Variants in ATF6 observed in about 807,000 individuals in gnomAD.
ATF6 encodes activating transcription factor 6.
Under a neutral mutation model 83.6 loss-of-function variants are expected in ATF6, and 53 were observed. The ratio of observed to expected loss-of-function variants is 0.63; its 90% CI spans 0.51 to 0.80. The LOEUF is 0.80. ATF6 is among the 30% of genes least tolerant of loss of function. The pLI is 0.00. For missense variants in ATF6, 744 were observed against 797.9 expected (o/e 0.93, Z 0.81); for synonymous variants, 288 against 285.8 (o/e 1.01, Z -0.08).
chr1:161,775,344 C>G (rs1209642465), intron 1 of ATF6, among the ~76,000 whole-genome samples: 1 of 152,072 alleles, frequency 6.6e-6, no homozygotes, highest in Non-Finnish European at 1.5e-5. Context: ...TCTTATTAAA[C>G]CTCTAACCAC....
At position 161,963,241 on chromosome 1, in the gene ATF6, G is replaced by C. The variant is rs1421599658; in HGVS notation, c.*4587G>C. ...CTAAGCTTTAAACAGTTTATTTTGGGTAAGACTAGAACTTTCGGCCATTTG... is the reference window on the plus strand; with the variant it reads ...CTAAGCTTTAAACAGTTTATTTTGGCTAAGACTAGAACTTTCGGCCATTTG... On this transcript the variant is annotated 3_prime_UTR_variant, in exon 16 of 16. Transcript: ENST00000367942. 6.6e-6 allele frequency: 1 copy of C among 152,130 alleles called. No homozygotes were observed. Among genetic ancestry groups the C allele is most frequent in the African/African-American group, 2.4e-5 (1 of 41,424 alleles). 9.4% of individuals were successfully genotyped at this position (152,130 alleles called of 1,614,324 possible).
intron 3 of ATF6, among the ~76,000 whole-genome samples, chr1:161,782,337 G>A (rs556093214): frequency 1.3e-5 from 2 of 152,334 alleles, no homozygotes; most frequent in African/African-American, 4.8e-5. Flanking sequence ...TGGGTTACCA[G>A]AACCTAGGAA....
chr1:161,805,707 A>G (rs1685261730), intron 7 of ATF6, among the ~76,000 whole-genome samples: 1 of 152,182 alleles, frequency 6.6e-6, no homozygotes, highest in South Asian at 2.1e-4. Context: ...AAATTAGGAT[A>G]AATTAATATA....
chr1:161,874,427 A>G (rs1210844354), intron 14 of ATF6, among the ~76,000 whole-genome samples: 3 of 151,714 alleles, frequency 2.0e-5, no homozygotes, highest in Non-Finnish European at 3.0e-5. Flanking sequence ...ATTTGGAGTC[A>G]TCTCTGTCTG....
intron 9 of ATF6, among the ~76,000 whole-genome samples, chr1:161,838,595 T>C (rs771217347): frequency 1.1e-4 from 16 of 152,192 alleles, no homozygotes; most frequent in Non-Finnish European, 1.9e-4. Flanking sequence ...TTTTTCTTCA[T>C]TTGGACCTCT....
intron 14 of ATF6, among the ~76,000 whole-genome samples, chr1:161,910,215 A>G (rs1273352735): frequency 6.6e-6 from 1 of 152,200 alleles, no homozygotes; most frequent in Admixed American, 6.5e-5. Flanking sequence ...TATTATATAG[A>G]CACTTATTTT....
chr1:161,931,725 A>C (rs1688438069), intron 15 of ATF6, among the ~76,000 whole-genome samples: 1 of 152,140 alleles, frequency 6.6e-6, no homozygotes, highest in African/African-American at 2.4e-5. Flanking sequence ...TTTATTGGAT[A>C]ATTTATCTTT....
chr1:161,923,914 T>G (rs922454669), intron 15 of ATF6, among the ~76,000 whole-genome samples: 4 of 152,352 alleles, frequency 2.6e-5, no homozygotes, highest in African/African-American at 9.6e-5. Context: ...ATGGTTTAGC[T>G]TTCAACAAAT....
chr1:161,937,261 G>A (rs181107461), intron 15 of ATF6, among the ~76,000 whole-genome samples: 4 of 149,766 alleles, frequency 2.7e-5, no homozygotes, highest in South Asian at 2.1e-4. Context: ...GGAGAATCAC[G>A]TGAACCCAGG....
chr1:161,958,266 A>G (rs1250328897), intron 15 of ATF6, among the ~76,000 whole-genome samples, 180 bp from the exon 16 acceptor site: 1 of 152,180 alleles, frequency 6.6e-6, no homozygotes, highest in Non-Finnish European at 1.5e-5. Context: ...AGAACAGGTG[A>G]TCCTGGCACC....
chr1:161,802,916 C>G (rs1685191444), intron 7 of ATF6, among the ~76,000 whole-genome samples: 1 of 152,180 alleles, frequency 6.6e-6, no homozygotes, highest in African/African-American at 2.4e-5. Flanking sequence ...CTAACTCTTG[C>G]TTTCTTTCAA....
chr1:161,898,190 T>A (rs1687713693), intron 14 of ATF6, among the ~76,000 whole-genome samples: 1 of 152,232 alleles, frequency 6.6e-6, no homozygotes, highest in African/African-American at 2.4e-5. Flanking sequence ...CTTAGAATGC[T>A]TACAGGAATG....
intron 14 of ATF6, chr1:161,892,345 TAAAC>T (rs1284237875): frequency 6.6e-6 from 1 of 152,230 alleles, no homozygotes; most frequent in Non-Finnish European, 1.5e-5. Flanking sequence ...TTAATTATTC[TAAAC>T]AAATGGACAT....
intron 14 of ATF6, among the ~76,000 whole-genome samples, chr1:161,900,055 T>C (rs887484733): frequency 2.8e-4 from 42 of 147,762 alleles, no homozygotes; most frequent in African/African-American, 1.1e-3. Context: ...TTCACAAACA[T>C]TTATTGACTT....
chr1:161,900,905 A>T (rs1266635450), intron 14 of ATF6, among the ~76,000 whole-genome samples: 3 of 152,156 alleles, frequency 2.0e-5, no homozygotes, highest in African/African-American at 7.2e-5. Flanking sequence ...TTTCAAATAT[A>T]GGATAGTACA....
Position 161,778,298 on chromosome 1 carries a change from T to C in ATF6, c.137T>C (p.Leu46Ser), listed in dbSNP as rs777112322. 2.4e-5 allele frequency: 38 copies of C among 1,613,442 alleles called. No individual in the cohort carries two copies. Among genetic ancestry groups the C allele is most frequent in the Non-Finnish European group, 2.5e-6 (3 of 1,179,586 alleles). Residue 46 changes from leucine (L) to serine (S), a missense_variant, in exon 2 of 16, where the codon TTG becomes TCG. Coordinates refer to ENST00000367942, the MANE Select transcript of ATF6 (RefSeq NM_007348.4). ...GYFTDTDELQLEAANETYENN... is the reference protein window; with the variant it reads ...GYFTDTDELQSEAANETYENN... ...TTCACAGACACTGATGAGCTGCAAT[T>C]GGAAGCAGCAAATGAGACGTATGTA...
intron 14 of ATF6, among the ~76,000 whole-genome samples, chr1:161,905,148 T>G (rs956859602): frequency 4.6e-5 from 7 of 152,216 alleles, no homozygotes; most frequent in African/African-American, 1.4e-4. Context: ...CCCCTTTTTT[T>G]CTCCCCTTCC....
chr1:161,803,543 T>C (rs1351524862), intron 7 of ATF6, among the ~76,000 whole-genome samples: 1 of 152,154 alleles, frequency 6.6e-6, no homozygotes, highest in Non-Finnish European at 1.5e-5. Context: ...TGTGTTTCAG[T>C]TGAAGATGAA....
At chr1:161,827,274 C>G (rs1402187005) in intron 9 of ATF6, among the ~76,000 whole-genome samples, 1 of 152,020 alleles carries the variant, frequency 6.6e-6, no homozygotes, top group Non-Finnish European at 1.5e-5. Flanking sequence ...TTCTCTGGTC[C>G]GGGAGTCTGC....
Sources: allele counts gnomAD v4.1 joint callset (sites outside exome capture counted in the v4.1 genomes callset), GRCh38; gene constraint gnomAD v4.1.1; transcripts MANE v1.5; gene names NCBI Gene and HGNC (gene_info 2026-07-23, HGNC 2026-07-21).